The following STAP1 variants were observed in gnomAD, a reference collection of about 807,000 sequenced individuals.
STAP1 encodes the protein signal transducing adaptor family member 1, also known as signal-transducing adaptor protein 1.
STAP1 carries 30 observed loss-of-function variants against 37.8 expected under a neutral mutation model. That is an observed-to-expected ratio of 0.79 (90% CI 0.59 to 1.08). STAP1 has a LOEUF of 1.08. Ranked by LOEUF, STAP1 falls within the 50% of genes least tolerant of loss-of-function variation. The probability of loss-of-function intolerance (pLI) is 0.00; values close to 1 mark genes in which losing one functional copy is unlikely to be tolerated. For synonymous variants in STAP1, 130 were observed against 116.0 expected, an observed-to-expected ratio of 1.12 and a Z score of -0.78; for missense variants, 357 against 349.4, an observed-to-expected ratio of 1.02 and a Z score of -0.17.
chr4:67,568,137 C>T (rs6826751), intron 1 of STAP1, among the ~76,000 whole-genome samples: 80,936 of 151,990 alleles, frequency 0.53, 22,656 homozygotes, highest in Non-Finnish European at 0.63. Flanking sequence ...GTTATAGAGT[C>T]GTCATTATTT....
chr4:67,577,375 G>C (rs1219150726), intron 4 of STAP1, 116 bp downstream of exon 4: 1 of 806,080 alleles, frequency 1.2e-6, no homozygotes, highest in Non-Finnish European at 1.9e-6. Context: ...GAAAAAGATA[G>C]ACCTAAACTC....
intron 1 of STAP1, among the ~76,000 whole-genome samples, chr4:67,565,933 GCTT>G (rs1204042465): frequency 3.1e-4 from 32 of 102,912 alleles, no homozygotes; most frequent in Middle Eastern, 7.1e-3. Context: ...CAACCCAACT[GCTT>G]TTTTTTTTTT....
chr4:67,584,619 G>A (rs935962549), intron 6 of STAP1, among the ~76,000 whole-genome samples: 2 of 152,192 alleles, frequency 1.3e-5, no homozygotes, highest in African/African-American at 2.4e-5. Flanking sequence ...GCTGAAGGAA[G>A]TGAGAAAATA....
chr4:67,593,380 T>C, intron 8 of STAP1, 24 bp downstream of exon 8: 2 of 1,538,770 alleles, frequency 1.3e-6, no homozygotes, highest in Non-Finnish European at 1.8e-6. Context: ...TTCATTGCTA[T>C]GTTAAGGGAA....
At chr4:67,581,798 G>A (rs1727867757) in intron 5 of STAP1, among the ~76,000 whole-genome samples, 1 of 152,156 alleles carries the variant, frequency 6.6e-6, no homozygotes, top group Admixed American at 6.5e-5. Context: ...CAAACTCTAT[G>A]ATTGACTGAT....
At chr4:67,591,908 C>T (rs1165267590) in intron 7 of STAP1, among the ~76,000 whole-genome samples, 1 of 152,038 alleles carries the variant, frequency 6.6e-6, no homozygotes, top group Non-Finnish European at 1.5e-5. Context: ...AGGCAGAAAA[C>T]TAGATTGCTA....
chr4:67,575,628 G>C (rs1727702974), intron 3 of STAP1, 130 bp downstream of exon 3: 2 of 687,698 alleles, frequency 2.9e-6, no homozygotes, highest in Non-Finnish European at 4.8e-6. Flanking sequence ...TTTTGCTTGC[G>C]TCTGGCCAAG....
chr4:67,576,207 G>A (rs1727716620), intron 3 of STAP1, among the ~76,000 whole-genome samples: 1 of 152,156 alleles, frequency 6.6e-6, no homozygotes, highest in African/African-American at 2.4e-5. Flanking sequence ...CAGTGGCAAC[G>A]TTTTTCTCCT....
At chr4:67,574,958 C>G (rs1409234670) in intron 2 of STAP1, among the ~76,000 whole-genome samples, 5 of 152,040 alleles carry the variant, frequency 3.3e-5, no homozygotes, top group Non-Finnish European at 4.4e-5. Context: ...AAGAAAAGCA[C>G]AGTAGCACAG....
At chr4:67,586,397 C>G (rs2109868308) in intron 6 of STAP1, among the ~76,000 whole-genome samples, 1 of 152,224 alleles carries the variant, frequency 6.6e-6, no homozygotes, top group Admixed American at 6.5e-5. Context: ...GCGGAGGTTG[C>G]AGTGAGCTGA....
Position 67,577,200 on chromosome 4 carries a change from TAGAC to T in STAP1, c.308_311del (p.Thr103ArgfsTer16), listed in dbSNP as rs1233802611. ...CTTTATCTGTTTTTGTCTTCAACTT[TAGAC>T]AGAGAACACAGAAAGTGGGGAAGAA... On this transcript the variant is annotated splice_acceptor_variant and coding_sequence_variant, in exon 4 of 9. Transcript: ENST00000265404. LOFTEE classifies it high-confidence loss of function. 2.5e-6 allele frequency: 4 copies of T among 1,609,528 alleles called. No homozygotes were observed. The highest frequency in any genetic ancestry group is 3.4e-5 in the Admixed American group (2 of 59,518).
At chr4:67,577,329 C>A in intron 4 of STAP1, 70 bp downstream of exon 4, 1 of 1,391,396 alleles carries the variant, frequency 7.2e-7, no homozygotes, top group Non-Finnish European at 9.9e-7. Context: ...ACCCTATGAT[C>A]CATGCAGAGT....
intron 1 of STAP1, among the ~76,000 whole-genome samples, chr4:67,564,304 C>A (rs1727417634): frequency 6.6e-6 from 1 of 152,154 alleles, no homozygotes; most frequent in Non-Finnish European, 1.5e-5. Flanking sequence ...AATCCTTAAT[C>A]CTTTCCACAA....
At chr4:67,594,075 GTCTC>G (rs1728174802) in intron 8 of STAP1, among the ~76,000 whole-genome samples, 1 of 152,166 alleles carries the variant, frequency 6.6e-6, no homozygotes, top group Admixed American at 6.5e-5. Flanking sequence ...GAATGTAATA[GTCTC>G]TCTCTATCTT....
At chr4:67,594,365 C>A (rs1728179911) in intron 8 of STAP1, among the ~76,000 whole-genome samples, 1 of 152,162 alleles carries the variant, frequency 6.6e-6, no homozygotes, top group Admixed American at 6.5e-5. Flanking sequence ...CTCTCAGGAT[C>A]TGAAGGAACT....
intron 3 of STAP1, 106 bp from the exon 4 acceptor site, chr4:67,577,097 A>G: frequency 9.7e-7 from 1 of 1,034,352 alleles, no homozygotes; most frequent in East Asian, 2.6e-5. Flanking sequence ...TAAGCCAAAA[A>G]AAGAAAATGA....
At chr4:67,566,043 G>T (rs1207428661) in intron 1 of STAP1, among the ~76,000 whole-genome samples, 1 of 145,964 alleles carries the variant, frequency 6.9e-6, no homozygotes, top group Admixed American at 7.1e-5. Flanking sequence ...TCGCTTCCTG[G>T]GTTCAAGAGA....
In STAP1 at chr4:67,593,283, T is replaced by C. The variant is rs1728159485; in HGVS notation, c.753T>C (p.Ser251=). 1.2e-6 allele frequency: 2 copies of C among 1,613,352 alleles called. No homozygotes were observed. Among genetic ancestry groups the C allele is most frequent in the African/African-American group, 1.3e-5 (1 of 75,026 alleles). The change falls in exon 8 of 9, where the codon AGT becomes AGC. Residue 251 remains serine (S), a synonymous_variant. Coordinates refer to ENST00000265404, the MANE Select transcript of STAP1 (RefSeq NM_012108.4). Reference sequence around the variant, plus strand: ...AGGTAACACTCCCAAACCTTTTCAGTGTCATTGATTATTTTGTGAAGGAGA... The same window carrying C: ...AGGTAACACTCCCAAACCTTTTCAGCGTCATTGATTATTTTGTGAAGGAGA... ...EKPVTLPNLF[S]VIDYFVKETR... is the part of the protein sequence containing the mutation.
intron 2 of STAP1, among the ~76,000 whole-genome samples, chr4:67,574,944 T>C (rs1179285455): frequency 6.6e-6 from 1 of 152,130 alleles, no homozygotes; most frequent in African/African-American, 2.4e-5. Context: ...AGCATGTAGT[T>C]GGGAAGAAAA....
Sources: gnomAD v4.1 joint callset for allele counts (sites outside exome capture counted in the v4.1 genomes callset) on GRCh38, gnomAD v4.1.1 for gene constraint, MANE v1.5 for transcripts, NCBI Gene and HGNC (gene_info 2026-07-23, HGNC 2026-07-21) for gene names.